The following TENM2 variants were observed in gnomAD, a reference collection of about 807,000 sequenced individuals.
The protein encoded by TENM2 is teneurin-2.
TENM2 carries 52 observed loss-of-function variants against 245.2 expected under a neutral mutation model. The observed-to-expected ratio is 0.21, with a 90% CI of 0.17 to 0.27. The LOEUF (loss-of-function observed/expected upper bound fraction) is 0.27, where lower values mean the gene tolerates loss of function less well. Ranked by LOEUF, TENM2 falls within the 10% of genes least tolerant of loss-of-function variation. The probability of loss-of-function intolerance (pLI) is 1.00; values close to 1 mark genes in which losing one functional copy is unlikely to be tolerated. For synonymous variants in TENM2, 1,363 were observed against 1,438.9 expected, an observed-to-expected ratio of 0.95 and a Z score of 1.19; for missense variants, 3,046 against 3,666.8, an observed-to-expected ratio of 0.83 and a Z score of 4.37.
At chr5:168,228,257 A>AAAG in intron 25 of TENM2, 127 bp downstream of exon 27, 1 of 735,624 alleles carries the variant, frequency 1.4e-6, no homozygotes, top group Non-Finnish European at 2.2e-6. Flanking sequence ...CAGAGCTGAG[A>AAAG]AAGTTTCCCA....
At chr5:167,383,962 C>T (rs143629541) in intron 2 of TENM2, among the ~76,000 whole-genome samples, 1 of 152,164 alleles carries the variant, frequency 6.6e-6, no homozygotes, top group African/African-American at 2.4e-5. Flanking sequence ...CCTTTTATTT[C>T]CCAGGTCTAA....
At chr5:167,461,887 A>G (rs1034320008) in intron 2 of TENM2, among the ~76,000 whole-genome samples, 1 of 152,178 alleles carries the variant, frequency 6.6e-6, no homozygotes, top group South Asian at 2.1e-4. Context: ...CTTGTTGATC[A>G]TATTAGTGGT....
chr5:167,044,691 CG>C, the TENM2 span, among the ~76,000 whole-genome samples: 1 of 152,080 alleles, frequency 6.6e-6, no homozygotes, highest in Non-Finnish European at 1.5e-5. Flanking sequence ...GGAGAACCAG[CG>C]GGGCTCATAT....
At chr5:167,842,587 A>C (rs1259831162) in intron 2 of TENM2, among the ~76,000 whole-genome samples, 1 of 105,976 alleles carries the variant, frequency 9.4e-6, no homozygotes, top group Non-Finnish European at 1.7e-5. Flanking sequence ...TGTCAAAAAA[A>C]AAAAAAAAAA....
chr5:168,211,837 G>GCTTCTTA (rs1258877864), intron 20 of TENM2, 83 bp downstream of exon 22: 1 of 824,500 alleles, frequency 1.2e-6, no homozygotes, highest in Non-Finnish European at 1.9e-6. Flanking sequence ...TGTGCTTCTT[G>GCTTCTTA]TGTAATGTTG....
chr5:167,287,133 T>C (rs555203449), intron 1 of TENM2, among the ~76,000 whole-genome samples: 3 of 152,304 alleles, frequency 2.0e-5, no homozygotes, highest in East Asian at 3.9e-4. Context: ...GAAAATGTAG[T>C]CAGAGTCTGA....
intron 6 of TENM2, among the ~76,000 whole-genome samples, chr5:168,057,310 A>AACACACACACACACACACAC (rs112117017): frequency 6.7e-6 from 1 of 148,920 alleles, no homozygotes; most frequent in Non-Finnish European, 1.5e-5. Context: ...CGCCTCGCCC[A>AACACACACACACACACACAC]ACACACACAC....
At chr5:167,795,687 C>CA (rs201667872) in intron 2 of TENM2, among the ~76,000 whole-genome samples, 54 of 148,462 alleles carry the variant, frequency 3.6e-4, no homozygotes, top group African/African-American at 4.7e-4. Flanking sequence ...AAAGAATTTC[C>CA]AAAAAAAAAT....
intron 12 of TENM2, among the ~76,000 whole-genome samples, chr5:168,148,521 A>G (rs771453308): frequency 7.2e-5 from 11 of 152,214 alleles, no homozygotes; most frequent in Non-Finnish European, 1.5e-4. Flanking sequence ...ATTAGCTAAA[A>G]ACTGTTTAAA....
intron 2 of TENM2, among the ~76,000 whole-genome samples, chr5:167,847,059 C>A (rs1464839801): frequency 6.6e-6 from 1 of 152,180 alleles, no homozygotes; most frequent in Non-Finnish European, 1.5e-5. Flanking sequence ...TGGGCTCAAG[C>A]CATCCTCCCA....
At chr5:168,049,548 T>C (rs532152446) in intron 6 of TENM2, among the ~76,000 whole-genome samples, 171 of 152,304 alleles carry the variant, frequency 1.1e-3, no homozygotes, top group Non-Finnish European at 1.7e-3. Flanking sequence ...CCATTTGTGA[T>C]AAGCCTCTAT....
intron 2 of TENM2, among the ~76,000 whole-genome samples, chr5:167,699,077 C>A (rs1757978433): frequency 1.3e-5 from 2 of 151,938 alleles, no homozygotes; most frequent in Non-Finnish European, 2.9e-5. Context: ...TTATAAAAGT[C>A]TAGAGAAAAT....
At chr5:167,183,556 A>G in the TENM2 span, among the ~76,000 whole-genome samples, 2 of 152,176 alleles carry the variant, frequency 1.3e-5, no homozygotes, top group African/African-American at 4.8e-5. Context: ...GAATAAATGT[A>G]TCATGTTTAG....
chr5:168,124,581 T>A (rs987869819), intron 10 of TENM2, among the ~76,000 whole-genome samples: 1 of 152,258 alleles, frequency 6.6e-6, no homozygotes, highest in Non-Finnish European at 1.5e-5. Context: ...TATATCTGAC[T>A]TCTAATGCTG....
At chr5:167,247,687 T>G in the TENM2 span, among the ~76,000 whole-genome samples, 1 of 152,206 alleles carries the variant, frequency 6.6e-6, no homozygotes, top group Non-Finnish European at 1.5e-5. Context: ...AAATCATTTC[T>G]TTCTACATTG....
chr5:167,322,517 T>C (rs1756825252), intron 1 of TENM2, among the ~76,000 whole-genome samples: 1 of 152,178 alleles, frequency 6.6e-6, no homozygotes, highest in African/African-American at 2.4e-5. Flanking sequence ...TTCTTTCTTC[T>C]ATAGGGTTGT....
chr5:167,101,398 G>A, the TENM2 span, among the ~76,000 whole-genome samples: 6 of 152,126 alleles, frequency 3.9e-5, no homozygotes, highest in African/African-American at 1.4e-4. Flanking sequence ...GCTAAGTCTT[G>A]AAGAAATTAT....
At chr5:167,633,035 C>T (rs1778976184) in intron 2 of TENM2, among the ~76,000 whole-genome samples, 1 of 152,154 alleles carries the variant, frequency 6.6e-6, no homozygotes, top group Non-Finnish European at 1.5e-5. Flanking sequence ...TACTAAACAA[C>T]ATCAGTGAAA....
chr5:168,232,698 T>G (rs542044558), intron 25 of TENM2, among the ~76,000 whole-genome samples: 2 of 152,164 alleles, frequency 1.3e-5, no homozygotes, highest in African/African-American at 4.8e-5. Context: ...GCCATCACAA[T>G]AGAACAGTGC....
Sources: gnomAD v4.1 joint callset for allele counts (sites outside exome capture counted in the v4.1 genomes callset) on GRCh38, gnomAD v4.1.1 for gene constraint, MANE v1.5 for transcripts, NCBI Gene and HGNC (gene_info 2026-07-23, HGNC 2026-07-21) for gene names.